MAGI3: variants seen among roughly 807,000 people sequenced by gnomAD.
MAGI3 encodes the protein membrane associated guanylate kinase, WW and PDZ domain containing 3, also known as membrane-associated guanylate kinase, WW and PDZ domain-containing protein 3.
MAGI3 carries 43 observed loss-of-function variants against 121.8 expected under a neutral mutation model. The ratio of observed to expected loss-of-function variants is 0.35; its 90% confidence interval spans 0.28 to 0.46. MAGI3 has a LOEUF of 0.46. Among genes scored for constraint, MAGI3 ranks in the 20% least tolerant of loss-of-function variants. The probability of loss-of-function intolerance (pLI) is 1.00; values close to 1 mark genes in which losing one functional copy is unlikely to be tolerated. For missense variants in MAGI3, 1,547 were observed against 1,797.3 expected (o/e 0.86, Z 2.52); for synonymous variants, 553 against 639.3 (o/e 0.86, Z 2.04).
chr1:113,440,335 T>C (rs1653847834), intron 1 of MAGI3, among the ~76,000 whole-genome samples: 1 of 152,186 alleles, frequency 6.6e-6, no homozygotes, highest in South Asian at 2.1e-4. Flanking sequence ...TTAAATGGCT[T>C]CACATAATAA....
intron 1 of MAGI3, among the ~76,000 whole-genome samples, chr1:113,404,886 C>G (rs1651591781): frequency 6.6e-6 from 1 of 152,096 alleles, no homozygotes; most frequent in Non-Finnish European, 1.5e-5. Flanking sequence ...AGATTCAGCC[C>G]TATTTTATTT....
At position 113,391,121 on chromosome 1, in the gene MAGI3, G is replaced by C; in HGVS notation, c.88G>C (p.Gly30Arg). 1 of 1,575,744 alleles carries C rather than the reference G, an allele frequency of 6.3e-7. No individual in the cohort carries two copies. Among genetic ancestry groups the C allele is most frequent in the Non-Finnish European group, 8.6e-7 (1 of 1,161,138 alleles). Reference protein sequence around the residue: ...VSWAGPPGDFGAEIRGGAERG... With the variant: ...VSWAGPPGDFRAEIRGGAERG... ...CTGGGCCGGGCCCCCGGGCGACTTC[G>C]GCGCGGAGATCCGCGGTGGCGCGGA... The change falls in exon 1 of 21, where the codon GGC becomes CGC. Residue 30 changes from glycine to arginine, a missense_variant. Gly to Arg is a moderately radical substitution (Grantham distance 125). Transcript: ENST00000307546. The surrounding 1 kb of genome is among the most constrained non-coding windows in gnomAD (Gnocchi z 4.4).
intron 7 of MAGI3, 111 bp downstream of exon 7, chr1:113,614,769 T>G (rs1650356973): frequency 1.4e-6 from 1 of 711,638 alleles, no homozygotes; most frequent in African/African-American, 1.9e-5. Context: ...CTGTTGAGTT[T>G]TTCAACTAGG....
intron 16 of MAGI3, among the ~76,000 whole-genome samples, chr1:113,664,472 C>G (rs1035640375): frequency 6.6e-6 from 1 of 152,192 alleles, no homozygotes; most frequent in South Asian, 2.1e-4. Context: ...GTGGCACATG[C>G]TTGTAGTCCC....
At chr1:113,593,030 A>G (rs577963718) in intron 5 of MAGI3, among the ~76,000 whole-genome samples, 10 of 152,166 alleles carry the variant, frequency 6.6e-5, no homozygotes, top group African/African-American at 2.4e-4. Flanking sequence ...ACAAACAAAC[A>G]AAAAAGTGTT....
At chr1:113,476,817 TG>T (rs1327056940) in intron 1 of MAGI3, among the ~76,000 whole-genome samples, 2 of 152,196 alleles carry the variant, frequency 1.3e-5, no homozygotes, top group Non-Finnish European at 2.9e-5. Context: ...ATATTGACAG[TG>T]GGGTGTTAAA....
At chr1:113,512,417 C>G (rs953928231) in intron 1 of MAGI3, among the ~76,000 whole-genome samples, 1 of 152,168 alleles carries the variant, frequency 6.6e-6, no homozygotes, top group African/African-American at 2.4e-5. Context: ...AGAGGGAGAA[C>G]TAGTCACTAC....
At position 113,444,702 on chromosome 1, in the gene MAGI3, A is replaced by G. The variant is rs549312702; in HGVS notation, c.316+53353A>G. Among the ~76,000 whole-genome samples the G allele has an allele frequency of 9.2e-5, 14 of 152,338 alleles. No individual in the cohort carries two copies. In the South Asian group the frequency reaches 2.1e-3, roughly 23 times the overall value. On this transcript the variant is annotated intron_variant, in intron 1 of 20. Transcript: ENST00000307546. ...GTTTTCAACATAAAAATGACAAGGC[A>G]TACAAAGAAACAGAAAAGTATGGCT...
chr1:113,505,605 C>T (rs1570769646), intron 1 of MAGI3, among the ~76,000 whole-genome samples: 2 of 151,180 alleles, frequency 1.3e-5, no homozygotes, highest in South Asian at 2.1e-4. Context: ...ATTTTTTCAA[C>T]GGATAATAAG....
intron 8 of MAGI3, 109 bp downstream of exon 8, chr1:113,619,939 A>T: frequency 1.4e-6 from 1 of 693,478 alleles, no homozygotes; most frequent in South Asian, 1.8e-5. Context: ...GACACTAAAG[A>T]GTGTCTAGTT....
chr1:113,429,666 C>T lies in MAGI3; in HGVS notation c.316+38317C>T, dbSNP rs183060908. 1.8e-3 allele frequency among the ~76,000 whole-genome samples: 272 copies of T among 152,246 alleles called. 1 individual carries two copies. Among genetic ancestry groups the T allele is most frequent in the Non-Finnish European group, 3.1e-3 (210 of 68,012 alleles). Reference sequence around the variant, plus strand: ...GCTGAAGTGAAGTTACAAAGCTGTACTCCTATGCAAATGAAGACTGGGCCC... The same window carrying T: ...GCTGAAGTGAAGTTACAAAGCTGTATTCCTATGCAAATGAAGACTGGGCCC... On this transcript the variant is annotated intron_variant, in intron 1 of 20. Coordinates refer to ENST00000307546, the MANE Select transcript of MAGI3 (RefSeq NM_001142782.2).
chr1:113,664,993 A>T (rs75958020), intron 16 of MAGI3, among the ~76,000 whole-genome samples: 3,265 of 152,152 alleles, frequency 0.021, 116 homozygotes, highest in African/African-American at 0.074. Flanking sequence ...CTTAATTTAG[A>T]TGTAATCAAA....
intron 2 of MAGI3, among the ~76,000 whole-genome samples, chr1:113,554,283 A>ATGTGTG (rs539910651): frequency 7.6e-6 from 1 of 131,858 alleles, no homozygotes; most frequent in Non-Finnish European, 1.7e-5. Context: ...AAATATTCAT[A>ATGTGTG]TGTGTGTGTG....
At chr1:113,600,870 A>G (rs1334710584) in intron 6 of MAGI3, among the ~76,000 whole-genome samples, 2 of 152,196 alleles carry the variant, frequency 1.3e-5, no homozygotes, top group Non-Finnish European at 2.9e-5. Flanking sequence ...ACCAAAACAG[A>G]GATATAGATC....
chr1:113,660,245 T>C (rs898298893), intron 16 of MAGI3, among the ~76,000 whole-genome samples: 5 of 152,350 alleles, frequency 3.3e-5, no homozygotes, highest in African/African-American at 9.6e-5. Context: ...TCCAAGATGC[T>C]GTGACATCCC....
At chr1:113,443,908 T>C (rs1394936520) in intron 1 of MAGI3, among the ~76,000 whole-genome samples, 1 of 152,252 alleles carries the variant, frequency 6.6e-6, no homozygotes, top group African/African-American at 2.4e-5. Context: ...TTTAGTGTAT[T>C]CACAAAGTTA....
intron 1 of MAGI3, among the ~76,000 whole-genome samples, chr1:113,461,202 C>G (rs1023809255): frequency 1.1e-4 from 17 of 152,124 alleles, no homozygotes; most frequent in African/African-American, 4.1e-4. Context: ...AAACTACCAA[C>G]AGCATTATTC....
At chr1:113,620,166 A>G (rs1252498772) in intron 8 of MAGI3, among the ~76,000 whole-genome samples, 1 of 152,100 alleles carries the variant, frequency 6.6e-6, no homozygotes, top group African/African-American at 2.4e-5. Flanking sequence ...AGCTTTTCCC[A>G]AGTTAATTGC....
In MAGI3 at chr1:113,685,119, G is replaced by A. The variant is rs914511318; in HGVS notation, c.*1105G>A. The A allele has an allele frequency of 1.6e-4, 24 of 152,310 alleles. No individual in the cohort carries two copies. The highest frequency in any genetic ancestry group is 5.8e-4 in the African/African-American group (24 of 41,428). The allele number at this position is 152,310 out of a possible 1,614,324, so 9.4% of individuals were successfully genotyped here. A position where few individuals can be genotyped will look rare whatever the true frequency, so the allele number is the denominator to read the frequency against. On this transcript the variant is annotated 3_prime_UTR_variant, in exon 21 of 21. Transcript: ENST00000307546. ...ACAAATGTGTAGACAGTACTTACTG[G>A]ATCTTATTTAACTTTTAGCTACATT...
Sources: allele counts gnomAD v4.1 joint callset (sites outside exome capture counted in the v4.1 genomes callset), GRCh38; gene constraint gnomAD v4.1.1; non-coding constraint Gnocchi (gnomAD v3.1); transcripts MANE v1.5; gene names NCBI Gene and HGNC (gene_info 2026-07-23, HGNC 2026-07-21).